The following SLC38A10 variants were observed in gnomAD, a reference collection of about 807,000 sequenced individuals.
The protein encoded by SLC38A10 is Sodium-coupled neutral amino acid transporter 10.
SLC38A10 carries 53 observed loss-of-function variants against 81.0 expected under a neutral mutation model. The ratio of observed to expected loss-of-function variants is 0.65; its 90% CI spans 0.53 to 0.82. The LOEUF is 0.82. Ranked by LOEUF, SLC38A10 falls within the 40% of genes least tolerant of loss-of-function variation. The probability of loss-of-function intolerance (pLI) is 0.00; values close to 1 mark genes in which losing one functional copy is unlikely to be tolerated. For synonymous variants in SLC38A10, 665 were observed against 655.3 expected (o/e 1.01, Z -0.23); for missense variants, 1,471 against 1,545.0 (o/e 0.95, Z 0.80).
chr17:81,252,656 TG>T lies in SLC38A10; in HGVS notation c.1483del (p.His495ThrfsTer14). On this transcript the variant is annotated frameshift_variant, in exon 13 of 16. Transcript: ENST00000374759. LOFTEE classifies it high-confidence loss of function. ...GTGAGGAACAGGAGGCTCGTGGCGG[TG>T]GGCCTCGCCCACAGGCACAGCAATC... ...QGIAVPVGEAHRHEPPVPHDK... is the reference protein window; with the variant it reads ...QGIAVPVGEAXRHEPPVPHDK... The T allele has an allele frequency of 6.2e-7, 1 of 1,608,242 alleles. No homozygotes were observed.
chr17:81,256,951 TC>T (rs1341748666), intron 11 of SLC38A10, among the ~76,000 whole-genome samples: 1 of 152,200 alleles, frequency 6.6e-6, no homozygotes, highest in Non-Finnish European at 1.5e-5. Context: ...TGCTTTTGCC[TC>T]CGCCGTGGCT....
chr17:81,251,814 G>A, intron 13 of SLC38A10: 1 of 582,596 alleles, frequency 1.7e-6, no homozygotes, highest in Non-Finnish European at 2.7e-6. Context: ...TAGGCTTGTG[G>A]CAATGAGCCA....
chr17:81,291,947 G>A (rs1053288242), intron 1 of SLC38A10, among the ~76,000 whole-genome samples: 7 of 152,146 alleles, frequency 4.6e-5, no homozygotes, highest in Admixed American at 1.3e-4. Context: ...AGGCCGCCAC[G>A]GCCACAGAGT....
chr17:81,283,135 G>C lies in SLC38A10; in HGVS notation c.357+274C>G, dbSNP rs768301092. Among the ~76,000 whole-genome samples the C allele has an allele frequency of 3.3e-5, 5 of 152,140 alleles. No individual in the cohort carries two copies. Among genetic ancestry groups the C allele is most frequent in the Admixed American group, 6.5e-5 (1 of 15,284 alleles). On this transcript the variant is annotated intron_variant, in intron 4 of 15. Transcript: ENST00000374759. This position sits in a 1 kb window ranked among gnomAD's most constrained non-coding sequence, Gnocchi z 4.7. ...CCAATGGGCAGCCCGGGCTGGCAGA[G>C]ACTTGCTCTGCACTGTGCCCGGGTC... is the stretch of plus-strand genomic sequence containing the variant.
At chr17:81,273,998 G>T (rs7216728) in intron 8 of SLC38A10, among the ~76,000 whole-genome samples, 2 of 152,232 alleles carry the variant, frequency 1.3e-5, no homozygotes, top group African/African-American at 4.8e-5. Flanking sequence ...TTGGGATGAA[G>T]GGGGTTGCGT....
chr17:81,249,971 G>A (rs2062895306), intron 14 of SLC38A10: 1 of 1,114,882 alleles, frequency 9.0e-7, no homozygotes, highest in Non-Finnish European at 1.2e-6. Flanking sequence ...TCCCCATGCA[G>A]GGCTGTCCCT....
At chr17:81,262,326 T>G (rs1469804659) in intron 10 of SLC38A10, among the ~76,000 whole-genome samples, 6 of 152,296 alleles carry the variant, frequency 3.9e-5, no homozygotes, top group African/African-American at 1.4e-4. Context: ...AGGCTCGGGC[T>G]ACCTGGGGTA....
At chr17:81,282,839 G>A (rs961706234) in intron 4 of SLC38A10, among the ~76,000 whole-genome samples, 2 of 152,222 alleles carry the variant, frequency 1.3e-5, no homozygotes. Flanking sequence ...CTCCTGGAGA[G>A]GACACCCCCG....
In SLC38A10 at chr17:81,281,071, G is replaced by GCCCA. The variant is rs2063208321; in HGVS notation, c.502-339_502-338insTGGG. On this transcript the variant is annotated intron_variant, in intron 5 of 15. Transcript: ENST00000374759. The surrounding 1 kb of genome is among the most constrained non-coding windows in gnomAD (Gnocchi z 5.3). ...CCAGTTTCCGTCGGTTACAGAGGCTGGTTTCCCACGTGGGCAGGTCCCTCC... is the reference window on the plus strand; with the variant it reads ...CCAGTTTCCGTCGGTTACAGAGGCTGCCCAGTTTCCCACGTGGGCAGGTCCCTCC... Among the ~76,000 whole-genome samples the GCCCA allele has an allele frequency of 1.3e-5, 2 of 152,224 alleles. No homozygotes were observed. The highest frequency in any genetic ancestry group is 2.9e-5 in the Non-Finnish European group (2 of 68,040).
chr17:81,262,468 G>A (rs1384770749), intron 10 of SLC38A10, among the ~76,000 whole-genome samples: 1 of 152,202 alleles, frequency 6.6e-6, no homozygotes, highest in Non-Finnish European at 1.5e-5. Flanking sequence ...CCCTCGCCTC[G>A]TCCCGGGTGG....
intron 8 of SLC38A10, among the ~76,000 whole-genome samples, chr17:81,274,833 A>T (rs889837542): frequency 6.6e-6 from 1 of 152,250 alleles, no homozygotes; most frequent in African/African-American, 2.4e-5. Flanking sequence ...CCTACAGCTG[A>T]AAGTTTCTTA....
chr17:81,264,881 A>T lies in SLC38A10; in HGVS notation c.1132-4487T>A, dbSNP rs1266839850. 9 of 152,202 alleles carry T rather than the reference A, an allele frequency of 5.9e-5. 1 individual carries two copies. Among genetic ancestry groups the T allele is most frequent in the Admixed American group, 3.9e-4 (6 of 15,284 alleles). 9.4% of individuals were successfully genotyped at this position (152,202 alleles called of 1,614,324 possible). A position where few individuals can be genotyped will look rare whatever the true frequency, so the allele number is the denominator to read the frequency against. On this transcript the variant is annotated intron_variant, in intron 10 of 15. Coordinates refer to ENST00000374759, the MANE Select transcript of SLC38A10 (RefSeq NM_001037984.3). ...ACTGCATCTTCCAAGAGCAGGGGCC[A>T]GCTTTCAGGCCTTTCAGGGACTGCT...
chr17:81,268,152 T>C (rs995514043), intron 10 of SLC38A10, among the ~76,000 whole-genome samples: 3 of 151,766 alleles, frequency 2.0e-5, no homozygotes, highest in African/African-American at 7.3e-5. Context: ...AGGGTGTCAC[T>C]GCCCAGCTGA....
Position 81,281,023 on chromosome 17 carries a change from G to A in SLC38A10, c.502-290C>T, listed in dbSNP as rs1310244952. Among the ~76,000 whole-genome samples the A allele has an allele frequency of 2.0e-5, 3 of 152,354 alleles. No homozygotes were observed. Among genetic ancestry groups the A allele is most frequent in the East Asian group, 1.9e-4 (1 of 5,182 alleles). ...GGGGGCTGCTTGGCGCAGACGGGAG[G>A]AGACCACTGAGCATGCATGGCCCCA... On this transcript the variant is annotated intron_variant, in intron 5 of 15. Coordinates refer to ENST00000374759, the MANE Select transcript of SLC38A10 (RefSeq NM_001037984.3). This position sits in a 1 kb window ranked among gnomAD's most constrained non-coding sequence, Gnocchi z 5.3.
chr17:81,261,186 C>T (rs528732558), intron 10 of SLC38A10, among the ~76,000 whole-genome samples: 2 of 152,226 alleles, frequency 1.3e-5, no homozygotes, highest in African/African-American at 4.8e-5. Context: ...CTCGGTGACT[C>T]TGACAAACTG....
At chr17:81,291,353 G>C (rs1463060853) in intron 1 of SLC38A10, among the ~76,000 whole-genome samples, 3 of 151,980 alleles carry the variant, frequency 2.0e-5, no homozygotes, top group Non-Finnish European at 4.4e-5. Flanking sequence ...CAGGCTTGGT[G>C]GTGGGCGCCT....
chr17:81,276,889 C>G lies in SLC38A10; in HGVS notation c.729+142G>C. ...GGAGCTGCCCCAGGTCCCCGCGCAG[C>G]CTCCAGACACTGGGATGGGAACAGA... On this transcript the variant is annotated intron_variant, in intron 7 of 15. Transcript: ENST00000374759. The surrounding 1 kb of genome is among the most constrained non-coding windows in gnomAD (Gnocchi z 4.7). 1 of 775,796 alleles carries G rather than the reference C, an allele frequency of 1.3e-6. No individual in the cohort carries two copies. The highest frequency in any genetic ancestry group is 2.8e-5 in the East Asian group (1 of 36,260). 48.1% of individuals were successfully genotyped at this position (775,796 alleles called of 1,614,324 possible).
intron 8 of SLC38A10, 145 bp downstream of exon 8, chr17:81,275,824 C>G: frequency 2.3e-6 from 2 of 874,708 alleles, no homozygotes; most frequent in Non-Finnish European, 3.4e-6. Context: ...TTCCTCTAGG[C>G]TCCCCCAACT....
Position 81,295,048 on chromosome 17 carries a change from G to C in SLC38A10, c.-127C>G. On this transcript the variant is annotated 5_prime_UTR_variant, in exon 1 of 16. Transcript: ENST00000374759. ...CCGGGACGCCGGTGGGGAGGGGATGGGCAGCCTGAACACGGGAGCCTGAGC... is the reference window on the plus strand; with the variant it reads ...CCGGGACGCCGGTGGGGAGGGGATGCGCAGCCTGAACACGGGAGCCTGAGC... 7.4e-7 allele frequency: 1 copy of C among 1,345,042 alleles called. No homozygotes were observed. The highest frequency in any genetic ancestry group is 9.6e-7 in the Non-Finnish European group (1 of 1,045,454). 83.3% of individuals were successfully genotyped at this position (1,345,042 alleles called of 1,614,324 possible).
Sources: allele counts gnomAD v4.1 joint callset (sites outside exome capture counted in the v4.1 genomes callset), GRCh38; gene constraint gnomAD v4.1.1; non-coding constraint Gnocchi (gnomAD v3.1); transcripts MANE v1.5; gene names NCBI Gene and HGNC (gene_info 2026-07-23, HGNC 2026-07-21).